The following CHST9 variants were observed in gnomAD, a reference collection of about 807,000 sequenced individuals.
CHST9 encodes the protein GalNAc-4-sulfotransferase 2.
In CHST9, 41 loss-of-function variants were observed where a neutral mutation model predicts 44.4. That is an observed-to-expected ratio of 0.92 (90% CI 0.72 to 1.20). The LOEUF is 1.20. Ranked by LOEUF, CHST9 falls within the 50% of genes most tolerant of loss-of-function variation. The pLI is 0.00. For missense variants in CHST9, 504 were observed against 516.5 expected (o/e 0.98, Z 0.23); for synonymous variants, 171 against 178.4 (o/e 0.96, Z 0.33).
At chr18:27,040,920 C>T (rs1238986995) in intron 3 of CHST9, among the ~76,000 whole-genome samples, 1 of 152,082 alleles carries the variant, frequency 6.6e-6, no homozygotes, top group Admixed American at 6.6e-5. Flanking sequence ...CTCTGATATT[C>T]TATTTCTGTG....
rs541354435 is a variant in CHST9 at position 26,938,990 on chromosome 18, C to A, written c.240+5339G>T. ...GCTACTAGAATAAGAATTTAGTGAT[C>A]TGAAGAATTTACATTCTGCCAGCAG... On this transcript the variant is annotated intron_variant, in intron 5 of 5. Transcript: ENST00000618847. 2.6e-5 allele frequency among the ~76,000 whole-genome samples: 4 copies of A among 152,316 alleles called. No individual in the cohort carries two copies. In the South Asian group the frequency reaches 8.3e-4, roughly 32 times the overall value.
chr18:27,104,579 T>C (rs1477534949), intron 2 of CHST9, among the ~76,000 whole-genome samples: 1 of 152,216 alleles, frequency 6.6e-6, no homozygotes. Context: ...AAAACTATTC[T>C]GGTTAGTAAT....
chr18:27,048,374 A>T, intron 3 of CHST9, 91 bp downstream of exon 3: 1 of 918,362 alleles, frequency 1.1e-6, no homozygotes. Context: ...TATTAATTTT[A>T]GTGTGAATTT....
At chr18:27,099,837 A>T (rs2058153430) in intron 2 of CHST9, among the ~76,000 whole-genome samples, 1 of 152,148 alleles carries the variant, frequency 6.6e-6, no homozygotes, top group Admixed American at 6.5e-5. Flanking sequence ...AAAGGACTTA[A>T]AACAGAACTA....
At chr18:27,069,973 C>T (rs941316225) in intron 2 of CHST9, among the ~76,000 whole-genome samples, 2 of 152,164 alleles carry the variant, frequency 1.3e-5, no homozygotes, top group South Asian at 4.1e-4. Context: ...ACCATTTTAG[C>T]AACAGTGCCT....
chr18:27,057,503 GC>G (rs1283014049), intron 2 of CHST9, among the ~76,000 whole-genome samples: 3 of 152,182 alleles, frequency 2.0e-5, no homozygotes, highest in Admixed American at 6.5e-5. Flanking sequence ...AATCCTCTCT[GC>G]CCTCCTGCAG....
chr18:26,959,732 G>A (rs2056374991), intron 4 of CHST9, among the ~76,000 whole-genome samples: 1 of 152,098 alleles, frequency 6.6e-6, no homozygotes, highest in African/African-American at 2.4e-5. Context: ...ATTGTATGAT[G>A]GGCCAGTATC....
chr18:27,022,822 A>G (rs1293371125), intron 4 of CHST9, among the ~76,000 whole-genome samples: 1 of 152,234 alleles, frequency 6.6e-6, no homozygotes, highest in African/African-American at 2.4e-5. Context: ...TTTTTGGGAT[A>G]ACACATTGCT....
At position 27,165,782 on chromosome 18, in the gene CHST9, T is replaced by C. The variant is rs530186106; in HGVS notation, c.-97+19354A>G. On this transcript the variant is annotated intron_variant, in intron 1 of 5. Transcript: ENST00000618847. ...TTGATTAAATAAATGATAACCTAAG[T>C]AACTTAGTGCTACTATCTTAAGAAA... Among the ~76,000 whole-genome samples the C allele has an allele frequency of 3.3e-5, 5 of 152,302 alleles. No individual in the cohort carries two copies. The South Asian group carries it at 6.2e-4, about 19-fold the overall frequency.
intron 3 of CHST9, among the ~76,000 whole-genome samples, chr18:27,044,060 T>C (rs201682092): frequency 3.4e-5 from 5 of 149,082 alleles, no homozygotes; most frequent in South Asian, 4.2e-4. Context: ...AGCGAGCCCT[T>C]CCCCCCCCTT....
chr18:27,143,679 A>G (rs2143873179), intron 1 of CHST9, among the ~76,000 whole-genome samples: 1 of 152,312 alleles, frequency 6.6e-6, no homozygotes, highest in South Asian at 2.1e-4. Context: ...AAAATCTTAC[A>G]TAAAATGCCA....
chr18:27,177,854 C>T (rs1281891932), intron 1 of CHST9, among the ~76,000 whole-genome samples: 2 of 151,894 alleles, frequency 1.3e-5, no homozygotes, highest in Non-Finnish European at 2.9e-5. Context: ...CCCTCTATTC[C>T]ATACAAAAAT....
chr18:27,176,354 A>G (rs1005973608), intron 1 of CHST9, among the ~76,000 whole-genome samples: 1 of 152,044 alleles, frequency 6.6e-6, no homozygotes, highest in Non-Finnish European at 1.5e-5. Context: ...GAGATCAGTC[A>G]TGGAGACATT....
At chr18:27,107,999 A>G (rs1404058808) in intron 2 of CHST9, among the ~76,000 whole-genome samples, 2 of 152,152 alleles carry the variant, frequency 1.3e-5, no homozygotes, top group Admixed American at 6.5e-5. Flanking sequence ...CTACTTGTCC[A>G]GTTTCTCAGA....
intron 2 of CHST9, among the ~76,000 whole-genome samples, chr18:27,049,198 G>C (rs1467453820): frequency 1.3e-5 from 2 of 152,126 alleles, no homozygotes; most frequent in Non-Finnish European, 2.9e-5. Flanking sequence ...AGTGGGAGTG[G>C]AGAGGAGGGA....
In CHST9 at chr18:26,916,739, T is replaced by G. The variant is rs2055533381; in HGVS notation, c.852A>C (p.Glu284Asp). Reference sequence around the variant, plus strand: ...TGTCCCTAAAGGCTGATACTAATCTTTCCATGGGATCACGAACAAACACAG... The same window carrying G: ...TGTCCCTAAAGGCTGATACTAATCTGTCCATGGGATCACGAACAAACACAG... ...TKAVFVRDPM[E>D]RLVSAFRDKF... Residue 284 changes from glutamate (E) to aspartate (D), a missense_variant, in exon 6 of 6, where the codon GAA becomes GAC. By Grantham distance (45) the Glu-to-Asp change is conservative. Coordinates refer to ENST00000618847, the MANE Select transcript of CHST9 (RefSeq NM_031422.6). The G allele has an allele frequency of 2.5e-6, 4 of 1,613,930 alleles. No individual in the cohort carries two copies. The East Asian group carries it at 8.9e-5, about 36-fold the overall frequency.
intron 1 of CHST9, among the ~76,000 whole-genome samples, chr18:27,175,575 GA>G (rs2058861931): frequency 6.6e-6 from 1 of 151,930 alleles, no homozygotes; most frequent in Non-Finnish European, 1.5e-5. Flanking sequence ...AGGTCACAAA[GA>G]AAAAAGTGGG....
chr18:27,162,139 G>A (rs1567944712), intron 1 of CHST9, among the ~76,000 whole-genome samples: 1 of 152,172 alleles, frequency 6.6e-6, no homozygotes, highest in Non-Finnish European at 1.5e-5. Context: ...GTGTGAATTT[G>A]ATCCTGTAAT....
intron 2 of CHST9, among the ~76,000 whole-genome samples, chr18:27,087,069 AC>A (rs1315917681): frequency 6.6e-6 from 1 of 152,210 alleles, no homozygotes; most frequent in Admixed American, 6.5e-5. Flanking sequence ...TTGAAAGTCA[AC>A]CTATAAAGAC....
Sources: gnomAD v4.1 joint callset for allele counts (sites outside exome capture counted in the v4.1 genomes callset) on GRCh38, gnomAD v4.1.1 for gene constraint, MANE v1.5 for transcripts, NCBI Gene and HGNC (gene_info 2026-07-23, HGNC 2026-07-21) for gene names.